CRELD2: variants seen among roughly 807,000 people sequenced by gnomAD.
The protein encoded by CRELD2 is protein disulfide isomerase CRELD2.
In CRELD2, 33 loss-of-function variants were observed where a neutral mutation model predicts 48.1. The ratio of observed to expected loss-of-function variants is 0.69; its 90% CI spans 0.52 to 0.92. CRELD2 has a LOEUF of 0.92. Ranked by LOEUF, CRELD2 falls within the 40% of genes least tolerant of loss-of-function variation. The probability of loss-of-function intolerance (pLI) is 0.00; values close to 1 mark genes in which losing one functional copy is unlikely to be tolerated. For synonymous variants in CRELD2, 220 were observed against 203.9 expected, an observed-to-expected ratio of 1.08 and a Z score of -0.67; for missense variants, 477 against 482.4, an observed-to-expected ratio of 0.99 and a Z score of 0.10.
In CRELD2 at chr22:49,927,191, G is replaced by C. The variant is rs976972323; in HGVS notation, c.1010-64G>C. On this transcript the variant is annotated intron_variant, in intron 9 of 9. Transcript: ENST00000328268. ...CCCTGCACATGCGCTGCTGTCCTGG[G>C]AAAGGCCTCATCCCCAGGGCCCTTT... 5.6e-6 allele frequency: 8 copies of C among 1,430,254 alleles called. No homozygotes were observed. The African/African-American group carries it at 8.4e-5, about 15-fold the overall frequency. The allele number at this position is 1,430,254 out of a possible 1,614,324, so 88.6% of individuals were successfully genotyped here.
chr22:49,922,234 G>A, intron 5 of CRELD2: 2 of 1,533,068 alleles, frequency 1.3e-6, no homozygotes, highest in South Asian at 1.2e-5. Context: ...GGCTATTCTG[G>A]GCAGACAGAC....
chr22:49,927,466 T>C lies in CRELD2; in HGVS notation c.*159T>C. On this transcript the variant is annotated 3_prime_UTR_variant, in exon 10 of 10. Coordinates refer to ENST00000328268, the MANE Select transcript of CRELD2 (RefSeq NM_024324.5). ...CTTAAACAGCTGCATTTCTTGGTTG[T>C]TCTTAAACAGACTTGTATATTTTGA... is the stretch of plus-strand genomic sequence containing the variant. 1 of 646,286 alleles carries C rather than the reference T, an allele frequency of 1.5e-6. No homozygotes were observed. Among genetic ancestry groups the C allele is most frequent in the South Asian group, 1.8e-5 (1 of 55,312 alleles). The allele number at this position is 646,286 out of a possible 1,614,324, so 40.0% of individuals were successfully genotyped here. A position where few individuals can be genotyped will look rare whatever the true frequency, so the allele number is the denominator to read the frequency against.
chr22:49,918,717 C>A lies in CRELD2; in HGVS notation c.-53C>A, dbSNP rs979607940. ...GTGGGCGGCCGGGAGGCCGGAGCAG[C>A]ACGGCCGCAGGACCTGGAGCTCCGG... On this transcript the variant is annotated 5_prime_UTR_variant, in exon 1 of 10. Coordinates refer to ENST00000328268, the MANE Select transcript of CRELD2 (RefSeq NM_024324.5). 2 of 702,004 alleles carry A rather than the reference C, an allele frequency of 2.8e-6. No individual in the cohort carries two copies. Among genetic ancestry groups the A allele is most frequent in the Admixed American group, 4.5e-5 (1 of 22,354 alleles). The allele number at this position is 702,004 out of a possible 1,614,324, so 43.5% of individuals were successfully genotyped here. A position where few individuals can be genotyped will look rare whatever the true frequency, so the allele number is the denominator to read the frequency against.
chr22:49,922,853 T>TG (rs2060711090), intron 6 of CRELD2, 146 bp downstream of exon 6: 19 of 80,636 alleles, frequency 2.4e-4, no homozygotes, highest in African/African-American at 1.3e-3. Context: ...GGGCGTGAGG[T>TG]GTGGGGCTTG....
chr22:49,920,192 T>G lies in CRELD2; in HGVS notation c.360T>G (p.Cys120Trp). 1 of 1,613,600 alleles carries G rather than the reference T, an allele frequency of 6.2e-7. No individual in the cohort carries two copies. The highest frequency in any genetic ancestry group is 8.5e-7 in the Non-Finnish European group (1 of 1,179,730). Residue 120 changes from cysteine (C) to tryptophan (W), a missense_variant, in exon 4 of 10, where the codon TGT (cysteine) becomes TGG (tryptophan). Transcript: ENST00000328268. ...ATCCTGACTTATTCGAGTGGTTTTGTGTGAAGACACTGAAAGTGTGCTGCT... is the reference window on the plus strand; with the variant it reads ...ATCCTGACTTATTCGAGTGGTTTTGGGTGAAGACACTGAAAGTGTGCTGCT... Reference protein sequence around the residue: ...SEYPDLFEWFCVKTLKVCCSP... With the variant: ...SEYPDLFEWFWVKTLKVCCSP...
intron 6 of CRELD2, 64 bp from the exon 7 acceptor site, chr22:49,923,170 G>A (rs996597174): frequency 1.6e-5 from 21 of 1,327,302 alleles, no homozygotes; most frequent in East Asian, 2.4e-5. Context: ...GGCCATGATC[G>A]GTCCTTCCCC....
rs1314719363 is a variant in CRELD2 at position 49,925,591 on chromosome 22, C to G, written c.1009+34C>G. On this transcript the variant is annotated intron_variant, in intron 9 of 9. Transcript: ENST00000328268. Reference sequence around the variant, plus strand: ...CACGGCTGCCCTCCACACAGGCTGCCCTCCCCTGGGCCGCAGGGCTTGCAC... The same window carrying G: ...CACGGCTGCCCTCCACACAGGCTGCGCTCCCCTGGGCCGCAGGGCTTGCAC... 5 of 1,611,356 alleles carry G rather than the reference C, an allele frequency of 3.1e-6. No homozygotes were observed. In the African/African-American group the frequency reaches 4.0e-5, roughly 13 times the overall value.
At chr22:49,919,460 G>A (rs1487359233) in intron 2 of CRELD2, 148 bp downstream of exon 2, 2 of 739,302 alleles carry the variant, frequency 2.7e-6, no homozygotes, top group African/African-American at 3.5e-5. Context: ...GCTTCTCCCT[G>A]AGGACTAATG....
At chr22:49,924,182 A>T in intron 7 of CRELD2, 178 bp from the exon 8 acceptor site, 1 of 535,060 alleles carries the variant, frequency 1.9e-6, no homozygotes, top group Admixed American at 3.1e-5. Context: ...CCTGCTGCAC[A>T]GCAGGACGCG....
In CRELD2 at chr22:49,924,419, A is replaced by G; in HGVS notation, c.832A>G (p.Ile278Val). The change falls in exon 8 of 10, where the codon ATC (isoleucine) becomes GTC (valine). Residue 278 changes from isoleucine (I) to valine (V), a missense_variant. Ile to Val is a conservative substitution (Grantham distance 29, BLOSUM62 3). Coordinates refer to ENST00000328268, the MANE Select transcript of CRELD2 (RefSeq NM_024324.5). The stretch of plus-strand genomic sequence containing the variant: ...AGGCCCAGGAAACTGTAAAGAGTGT[A>G]TCTCTGGCTACGCGAGGGAGCACGG... ...GEGPGNCKECISGYAREHGQC... is the reference protein window; with the variant it reads ...GEGPGNCKECVSGYAREHGQC... 1 of 1,612,286 alleles carries G rather than the reference A, an allele frequency of 6.2e-7. No individual in the cohort carries two copies. The highest frequency in any genetic ancestry group is 8.5e-7 in the Non-Finnish European group (1 of 1,179,310).
At position 49,927,495 on chromosome 22, in the gene CRELD2, A is replaced by G; in HGVS notation, c.*188A>G. ...TAAACAGACTTGTATATTTTGATACAGTTCTTTGTAATAAAATTGACCATT... is the reference window on the plus strand; with the variant it reads ...TAAACAGACTTGTATATTTTGATACGGTTCTTTGTAATAAAATTGACCATT... On this transcript the variant is annotated 3_prime_UTR_variant, in exon 10 of 10. Transcript: ENST00000328268. 1.7e-6 allele frequency: 1 copy of G among 600,134 alleles called. No individual in the cohort carries two copies. The highest frequency in any genetic ancestry group is 3.0e-6 in the Non-Finnish European group (1 of 331,830). The allele number at this position is 600,134 out of a possible 1,614,324, so 37.2% of individuals were successfully genotyped here.
At chr22:49,922,291 C>T (rs553609580) in intron 5 of CRELD2, 1 of 1,180,724 alleles carries the variant, frequency 8.5e-7, no homozygotes, top group Non-Finnish European at 1.1e-6. Context: ...TTACGCCCCT[C>T]AGCAGTCAGG....
rs1440452461 is a variant in CRELD2 at position 49,927,320 on chromosome 22, A to G, written c.*13A>G. 1.9e-6 allele frequency: 3 copies of G among 1,608,860 alleles called. No individual in the cohort carries two copies. Among genetic ancestry groups the G allele is most frequent in the Non-Finnish European group, 2.5e-6 (3 of 1,176,670 alleles). Reference sequence around the variant, plus strand: ...CGAAGACCTGTAATGTGCCGGACTTACCCTTTAAATTATTCAGAAGGATGT... The same window carrying G: ...CGAAGACCTGTAATGTGCCGGACTTGCCCTTTAAATTATTCAGAAGGATGT... On this transcript the variant is annotated 3_prime_UTR_variant, in exon 10 of 10. Coordinates refer to ENST00000328268, the MANE Select transcript of CRELD2 (RefSeq NM_024324.5).
At chr22:49,923,764 T>G in intron 7 of CRELD2, 2 of 277,868 alleles carry the variant, frequency 7.2e-6, no homozygotes, top group Non-Finnish European at 1.3e-5. Flanking sequence ...TTTTTCAACT[T>G]ATAAACTGTG....
chr22:49,927,139 G>A lies in CRELD2; in HGVS notation c.1010-116G>A, dbSNP rs1000177265. The A allele has an allele frequency of 9.8e-6, 9 of 915,712 alleles. No individual in the cohort carries two copies. In the Admixed American group the frequency reaches 1.1e-4, roughly 11 times the overall value. The allele number at this position is 915,712 out of a possible 1,614,324, so 56.7% of individuals were successfully genotyped here. On this transcript the variant is annotated intron_variant, in intron 9 of 9. Coordinates refer to ENST00000328268, the MANE Select transcript of CRELD2 (RefSeq NM_024324.5). ...CTGCCCTTGGATGGCTGCGTCCGGG[G>A]CTTTGAGCCAGGACTGGACGGGCAG...
chr22:49,925,326 T>G (rs2060749021), intron 8 of CRELD2, 91 bp from the exon 9 acceptor site: 1 of 878,830 alleles, frequency 1.1e-6, no homozygotes, highest in South Asian at 1.6e-5. Context: ...TGTGCTTTCT[T>G]TATGTGAATG....
chr22:49,919,669 C>G, intron 2 of CRELD2, 61 bp from the exon 3 acceptor site: 6 of 1,325,808 alleles, frequency 4.5e-6, no homozygotes, highest in Non-Finnish European at 6.3e-6. Flanking sequence ...CGTATTGGTT[C>G]GGATTTTTCT....
At chr22:49,920,589 T>C (rs564661253) in intron 4 of CRELD2, among the ~76,000 whole-genome samples, 3 of 152,210 alleles carry the variant, frequency 2.0e-5, no homozygotes, top group Non-Finnish European at 4.4e-5. Flanking sequence ...CTTCTCCCTG[T>C]GTGCACAGAG....
At chr22:49,925,087 C>CGCCA (rs1487933791) in intron 8 of CRELD2, 1 of 185,600 alleles carries the variant, frequency 5.4e-6, no homozygotes, top group Non-Finnish European at 1.1e-5. Context: ...GAGGAGATCG[C>CGCCA]GCCACCGCAC....
Sources: gnomAD v4.1 joint callset for allele counts (sites outside exome capture counted in the v4.1 genomes callset) on GRCh38, gnomAD v4.1.1 for gene constraint, MANE v1.5 for transcripts, NCBI Gene and HGNC (gene_info 2026-07-23, HGNC 2026-07-21) for gene names.